The following DLG2 variants were observed in gnomAD, a reference collection of about 807,000 sequenced individuals.
DLG2 encodes discs large MAGUK scaffold protein 2, also known as disks large homolog 2.
DLG2 carries 45 observed loss-of-function variants against 132.5 expected under a neutral mutation model. That is an observed-to-expected ratio of 0.34 (90% confidence interval 0.27 to 0.44). DLG2 has a LOEUF of 0.44. Ranked by LOEUF, DLG2 falls within the 20% of genes least tolerant of loss-of-function variation. The pLI is 1.00. For missense variants in DLG2, 1,045 were observed against 1,196.9 expected (o/e 0.87, Z 1.87); for synonymous variants, 424 against 419.6 (o/e 1.01, Z -0.13).
intron 9 of DLG2, among the ~76,000 whole-genome samples, chr11:84,150,286 T>C (rs747225814): frequency 6.6e-6 from 1 of 152,202 alleles, no homozygotes. Flanking sequence ...TTTGGTTAGA[T>C]GGATTCCTAG....
At chr11:83,810,797 T>G (rs2047058987) in intron 17 of DLG2, among the ~76,000 whole-genome samples, 1 of 152,106 alleles carries the variant, frequency 6.6e-6, no homozygotes, top group Non-Finnish European at 1.5e-5. Flanking sequence ...TATTTATGAT[T>G]TACAATAGGT....
chr11:84,234,368 T>C (rs2097132496), intron 8 of DLG2, among the ~76,000 whole-genome samples: 1 of 152,172 alleles, frequency 6.6e-6, no homozygotes, highest in African/African-American at 2.4e-5. Context: ...TGCCCATCAG[T>C]TGAATTCTTT....
chr11:84,096,883 A>T lies in DLG2; in HGVS notation c.749+2040T>A, dbSNP rs183064525. On this transcript the variant is annotated intron_variant, in intron 10 of 27. Coordinates refer to ENST00000376104, the MANE Select transcript of DLG2 (RefSeq NM_001142699.3). ...GTGGGAGTATCTTTTTTGTTGAAAA[A>T]AGATGCACATTTACCTGAAAAAAAA... Among the ~76,000 whole-genome samples, 1,131 of 125,754 alleles carry T rather than the reference A, an allele frequency of 9.0e-3. 17 individuals are homozygous for T. Among genetic ancestry groups the T allele is most frequent in the African/African-American group, 0.03 (1,015 of 33,958 alleles). The allele number at this position is 125,754 out of a possible 152,430, so 82.5% of individuals were successfully genotyped here. A position where few individuals can be genotyped will look rare whatever the true frequency, so the allele number is the denominator to read the frequency against.
At chr11:85,571,018 G>GT (rs1443471619) in intron 3 of DLG2, among the ~76,000 whole-genome samples, 6 of 151,670 alleles carry the variant, frequency 4.0e-5, no homozygotes, top group South Asian at 4.2e-4. Flanking sequence ...GTTTTCTTTA[G>GT]TTTTTTTAAC....
chr11:85,247,895 A>G (rs1395569275), intron 4 of DLG2, among the ~76,000 whole-genome samples: 1 of 152,026 alleles, frequency 6.6e-6, no homozygotes, highest in Non-Finnish European at 1.5e-5. Flanking sequence ...ACATTTTACA[A>G]TCATTGCTTT....
chr11:85,561,825 TTTGA>T (rs1307298234), intron 3 of DLG2, among the ~76,000 whole-genome samples: 4 of 151,926 alleles, frequency 2.6e-5, no homozygotes, highest in African/African-American at 4.8e-5. Flanking sequence ...ATGGCAACAA[TTTGA>T]TTGAACACTT....
At chr11:85,150,283 G>A (rs1029626878) in intron 5 of DLG2, among the ~76,000 whole-genome samples, 8 of 151,954 alleles carry the variant, frequency 5.3e-5, no homozygotes, top group African/African-American at 1.9e-4. Flanking sequence ...GCCTCCCAAA[G>A]TACTGGGATT....
At chr11:84,079,020 T>C (rs1224314312) in intron 10 of DLG2, among the ~76,000 whole-genome samples, 1 of 152,214 alleles carries the variant, frequency 6.6e-6, no homozygotes, top group African/African-American at 2.4e-5. Flanking sequence ...TTCTATTAGA[T>C]GGTGAACTCT....
chr11:83,752,514 A>G (rs1471613271), intron 18 of DLG2, among the ~76,000 whole-genome samples: 1 of 152,216 alleles, frequency 6.6e-6, no homozygotes, highest in African/African-American at 2.4e-5. Context: ...AAAATTGAGA[A>G]GTGACAATGG....
At chr11:84,713,340 C>G (rs1478214120) in intron 6 of DLG2, among the ~76,000 whole-genome samples, 1 of 152,074 alleles carries the variant, frequency 6.6e-6, no homozygotes, top group Non-Finnish European at 1.5e-5. Flanking sequence ...AGGGTAACTA[C>G]TATACCCATC....
At chr11:84,029,200 G>A (rs1363987865) in intron 11 of DLG2, among the ~76,000 whole-genome samples, 1 of 151,938 alleles carries the variant, frequency 6.6e-6, no homozygotes, top group African/African-American at 2.4e-5. Context: ...TTGGAATTGT[G>A]GAGTCTGCCA....
At chr11:85,580,689 C>A (rs1449419761) in intron 3 of DLG2, among the ~76,000 whole-genome samples, 1 of 152,184 alleles carries the variant, frequency 6.6e-6, no homozygotes, top group Non-Finnish European at 1.5e-5. Context: ...ATACAACTTG[C>A]AAGTGGCAGA....
At chr11:83,748,546 C>A (rs1238740668) in intron 18 of DLG2, among the ~76,000 whole-genome samples, 1 of 152,178 alleles carries the variant, frequency 6.6e-6, no homozygotes, top group African/African-American at 2.4e-5. Context: ...ACAGTCATTA[C>A]AGTGAGTACA....
At chr11:85,105,986 C>G (rs1460077772) in intron 6 of DLG2, among the ~76,000 whole-genome samples, 1 of 90,210 alleles carries the variant, frequency 1.1e-5, no homozygotes, top group Non-Finnish European at 2.1e-5. Context: ...GAGGAACTAC[C>G]AAAAAAAGAA....
At chr11:84,841,794 C>T (rs2080728789) in intron 6 of DLG2, among the ~76,000 whole-genome samples, 1 of 151,852 alleles carries the variant, frequency 6.6e-6, no homozygotes, top group Non-Finnish European at 1.5e-5. Flanking sequence ...AAATACAATT[C>T]CCTGTTTTAG....
At chr11:83,788,415 G>C (rs778960255) in intron 17 of DLG2, among the ~76,000 whole-genome samples, 1 of 152,172 alleles carries the variant, frequency 6.6e-6, no homozygotes, top group Non-Finnish European at 1.5e-5. Context: ...ATCTGGCTGT[G>C]CCACTCTCTT....
At chr11:84,136,749 C>T (rs946247069) in intron 9 of DLG2, among the ~76,000 whole-genome samples, 1 of 152,070 alleles carries the variant, frequency 6.6e-6, no homozygotes, top group Non-Finnish European at 1.5e-5. Context: ...GAGAGCTCTA[C>T]GTGGCATGGG....
intron 17 of DLG2, among the ~76,000 whole-genome samples, chr11:83,796,289 A>G (rs1238403009): frequency 6.6e-6 from 1 of 152,244 alleles, no homozygotes; most frequent in Non-Finnish European, 1.5e-5. Context: ...GGTCAGCTCC[A>G]GTGATTAAAA....
chr11:84,581,156 T>A (rs1202897296), intron 6 of DLG2, among the ~76,000 whole-genome samples: 1 of 152,182 alleles, frequency 6.6e-6, no homozygotes, highest in Non-Finnish European at 1.5e-5. Flanking sequence ...AAGAACCACA[T>A]AGGCAAACAA....
Sources: allele counts gnomAD v4.1 joint callset (sites outside exome capture counted in the v4.1 genomes callset), GRCh38; gene constraint gnomAD v4.1.1; transcripts MANE v1.5; gene names NCBI Gene and HGNC (gene_info 2026-07-23, HGNC 2026-07-21).